The following PDE1C variants were observed in gnomAD, a reference collection of about 807,000 sequenced individuals.
PDE1C encodes dual specificity calcium/calmodulin-dependent 3',5'-cyclic nucleotide phosphodiesterase 1C.
PDE1C carries 62 observed loss-of-function variants against 93.1 expected under a neutral mutation model. The observed-to-expected ratio is 0.67, with a 90% CI of 0.54 to 0.82. PDE1C has a LOEUF of 0.82. PDE1C is among the 40% of genes least tolerant of loss of function. PDE1C has a pLI of 0.00. For synonymous variants in PDE1C, 325 were observed against 310.1 expected, an observed-to-expected ratio of 1.05 and a Z score of -0.50; for missense variants, 742 against 884.6, an observed-to-expected ratio of 0.84 and a Z score of 2.04.
chr7:31,890,519 T>C (rs1798487988), intron 2 of PDE1C, among the ~76,000 whole-genome samples: 1 of 152,228 alleles, frequency 6.6e-6, no homozygotes, highest in African/African-American at 2.4e-5. Context: ...GTGACTCCTT[T>C]GCTTTCCTTT....
At chr7:32,206,734 C>T (rs4723131) in intron 2 of PDE1C, among the ~76,000 whole-genome samples, 51,752 of 152,192 alleles carry the variant, frequency 0.34, 9,410 homozygotes, top group Admixed American at 0.46. Context: ...ACCCTGCCCA[C>T]TGCAGAGCAT....
chr7:32,171,914 C>G (rs2128806405), intron 2 of PDE1C, among the ~76,000 whole-genome samples: 1 of 146,950 alleles, frequency 6.8e-6, no homozygotes, highest in Admixed American at 7.0e-5. Context: ...GATTGTGGAA[C>G]AGATGTACCA....
chr7:31,947,014 G>A (rs946978348), intron 2 of PDE1C, among the ~76,000 whole-genome samples: 4 of 152,192 alleles, frequency 2.6e-5, no homozygotes, highest in Admixed American at 2.6e-4. Flanking sequence ...CGTAGTTACA[G>A]ATGCCAGAGG....
chr7:32,092,878 CT>C (rs58264170), intron 3 of PDE1C, among the ~76,000 whole-genome samples: 95,402 of 151,740 alleles, frequency 0.63, 30,466 homozygotes, highest in African/African-American at 0.73. Flanking sequence ...AGCATTATTA[CT>C]TTTTTTTTCC....
intron 2 of PDE1C, among the ~76,000 whole-genome samples, chr7:31,970,727 T>G (rs775075499): frequency 5.3e-5 from 8 of 152,230 alleles, no homozygotes; most frequent in Admixed American, 5.2e-4. Context: ...TTATAATCCT[T>G]GAAGAACATG....
At chr7:31,624,019 C>T in the PDE1C span, among the ~76,000 whole-genome samples, 3 of 149,492 alleles carry the variant, frequency 2.0e-5, no homozygotes, top group South Asian at 4.4e-4. Flanking sequence ...CTCCCATTCA[C>T]AATTGCTTCA....
At chr7:31,656,808 G>A in the PDE1C span, among the ~76,000 whole-genome samples, 1 of 151,876 alleles carries the variant, frequency 6.6e-6, no homozygotes, top group African/African-American at 2.4e-5. Context: ...AATCCCCAAA[G>A]GTCTCCAAAC....
chr7:31,892,444 G>A (rs1287554073), intron 2 of PDE1C, among the ~76,000 whole-genome samples: 1 of 152,166 alleles, frequency 6.6e-6, no homozygotes, highest in East Asian at 1.9e-4. Context: ...TTTACTAAAG[G>A]CTCACTAATT....
chr7:31,889,541 A>G (rs1038590330), intron 2 of PDE1C, among the ~76,000 whole-genome samples: 1 of 152,178 alleles, frequency 6.6e-6, no homozygotes, highest in African/African-American at 2.4e-5. Context: ...TTTCTGATGA[A>G]TATTTCCATT....
intron 1 of PDE1C, among the ~76,000 whole-genome samples, chr7:32,307,407 C>T (rs1813033406): frequency 6.6e-6 from 1 of 152,196 alleles, no homozygotes; most frequent in African/African-American, 2.4e-5. Context: ...ATGGAATAAA[C>T]ACACATCCCT....
At chr7:32,147,155 T>TC in intron 3 of PDE1C, among the ~76,000 whole-genome samples, 1 of 142,562 alleles carries the variant, frequency 7.0e-6, no homozygotes, top group Admixed American at 7.1e-5. Context: ...ACATGGAAAA[T>TC]CGCCCCCAGA....
intron 1 of PDE1C, among the ~76,000 whole-genome samples, chr7:32,284,865 T>C (rs1268886561): frequency 6.6e-6 from 1 of 152,062 alleles, no homozygotes; most frequent in East Asian, 1.9e-4. Context: ...AACCCGTCTC[T>C]ACAAAAATAC....
At chr7:32,146,987 A>C (rs1025507421) in intron 3 of PDE1C, among the ~76,000 whole-genome samples, 2 of 152,152 alleles carry the variant, frequency 1.3e-5, no homozygotes, top group Admixed American at 6.6e-5. Flanking sequence ...TGGCAATTCA[A>C]CTGCTAAAAA....
the PDE1C span, among the ~76,000 whole-genome samples, chr7:31,628,492 C>T: frequency 2.0e-5 from 3 of 149,452 alleles, no homozygotes; most frequent in Non-Finnish European, 4.4e-5. Context: ...GAGTCTCGCT[C>T]TGTCACTCGG....
intron 3 of PDE1C, among the ~76,000 whole-genome samples, chr7:31,880,233 C>T (rs1019986903): frequency 2.0e-5 from 3 of 152,046 alleles, no homozygotes; most frequent in Non-Finnish European, 4.4e-5. Context: ...TAACTGAAAC[C>T]GCTTTAATAC....
intron 1 of PDE1C, among the ~76,000 whole-genome samples, chr7:32,328,057 A>G (rs755472288): frequency 2.0e-5 from 3 of 152,194 alleles, no homozygotes; most frequent in Admixed American, 6.5e-5. Flanking sequence ...TCTTTTGAGC[A>G]TATATTCAGG....
chr7:31,814,525 T>C (rs544564843), intron 15 of PDE1C, among the ~76,000 whole-genome samples: 71 of 151,986 alleles, frequency 4.7e-4, no homozygotes, highest in African/African-American at 1.7e-3. Context: ...TGATTACATG[T>C]TATAAATGGT....
chr7:31,945,807 T>C (rs1283354280), intron 2 of PDE1C, among the ~76,000 whole-genome samples: 1 of 152,196 alleles, frequency 6.6e-6, no homozygotes, highest in Non-Finnish European at 1.5e-5. Context: ...ATATTGCTTA[T>C]GTTACATCTT....
intron 2 of PDE1C, among the ~76,000 whole-genome samples, chr7:31,896,886 T>G (rs1799387592): frequency 6.6e-6 from 1 of 152,246 alleles, no homozygotes; most frequent in African/African-American, 2.4e-5. Context: ...TGAATTATCC[T>G]GACAAGTGCT....
Sources: allele counts gnomAD v4.1 joint callset (sites outside exome capture counted in the v4.1 genomes callset), GRCh38; gene constraint gnomAD v4.1.1; transcripts MANE v1.5; gene names NCBI Gene and HGNC (gene_info 2026-07-23, HGNC 2026-07-21).